HSD11B1L: variants seen among roughly 807,000 people sequenced by gnomAD.
HSD11B1L encodes the protein hydroxysteroid 11-beta dehydrogenase 1 like, also known as hydroxysteroid 11-beta-dehydrogenase 1-like protein.
A neutral mutation model predicts 27.0 loss-of-function variants in HSD11B1L; 22 were observed. That is an observed-to-expected ratio of 0.81 (90% CI 0.58 to 1.16). The LOEUF (loss-of-function observed/expected upper bound fraction) is 1.16. Ranked by LOEUF, HSD11B1L falls within the 50% of genes most tolerant of loss-of-function variation. The pLI is 0.00. For synonymous variants in HSD11B1L, 187 were observed against 189.2 expected (o/e 0.99, Z 0.09); for missense variants, 372 against 401.8 (o/e 0.93, Z 0.63).
chr19:5,684,310 C>A (rs1568298604), intron 1 of HSD11B1L: 2 of 334,070 alleles, frequency 6.0e-6, no homozygotes, highest in Admixed American at 4.7e-5. Flanking sequence ...GCCACCACAT[C>A]CAGCTGAAGG....
chr19:5,681,659 C>T (rs1421619484), intron 1 of HSD11B1L, among the ~76,000 whole-genome samples: 1 of 151,634 alleles, frequency 6.6e-6, no homozygotes, highest in Non-Finnish European at 1.5e-5. Flanking sequence ...TCCATGCATC[C>T]GTCCGTCCAT....
rs762934945 is a variant in HSD11B1L at position 5,684,812 on chromosome 19, T to C, written c.-14-7T>C. On this transcript the variant is annotated splice_polypyrimidine_tract_variant and splice_region_variant and intron_variant, in intron 1 of 7. Transcript: ENST00000339423. ...GCCGGCCACCTCTGTCCCCTGTCCCTCTGCAGGCCCACACAGGACCATGAA... is the reference window on the plus strand; with the variant it reads ...GCCGGCCACCTCTGTCCCCTGTCCCCCTGCAGGCCCACACAGGACCATGAA... The C allele has an allele frequency of 6.2e-7, 1 of 1,613,500 alleles. No individual in the cohort carries two copies. Among genetic ancestry groups the C allele is most frequent in the South Asian group, 1.1e-5 (1 of 91,078 alleles).
Position 5,688,385 on chromosome 19 carries a change from G to T in HSD11B1L, c.*440G>T. 3.3e-6 allele frequency: 2 copies of T among 614,818 alleles called. No homozygotes were observed. The highest frequency in any genetic ancestry group is 5.7e-6 in the Non-Finnish European group (2 of 351,548). 38.1% of individuals were successfully genotyped at this position (614,818 alleles called of 1,614,324 possible). On this transcript the variant is annotated 3_prime_UTR_variant, in exon 8 of 8. Coordinates refer to ENST00000339423, the MANE Select transcript of HSD11B1L (RefSeq NM_198706.3). The stretch of plus-strand genomic sequence containing the variant: ...CAGCTTCCCCTAGCTGGGGTCTCTG[G>T]TACTCTTCACACCTGCAGGGGCGTC...
At position 5,687,111 on chromosome 19, in the gene HSD11B1L, C is replaced by T. The variant is rs934342729; in HGVS notation, c.408+120C>T. ...GGCTCTCCACCCGTCCCGCCCCAGC[C>T]ACGCCCCTCCTAGCCCAAGCCCCTG... On this transcript the variant is annotated intron_variant, in intron 5 of 7. Coordinates refer to ENST00000339423, the MANE Select transcript of HSD11B1L (RefSeq NM_198706.3). The surrounding 1 kb of genome is among the most constrained non-coding windows in gnomAD (Gnocchi z 6.6). 11 of 1,132,378 alleles carry T rather than the reference C, an allele frequency of 9.7e-6. No homozygotes were observed. Among genetic ancestry groups the T allele is most frequent in the South Asian group, 1.4e-5 (1 of 69,192 alleles). The allele number at this position is 1,132,378 out of a possible 1,614,324, so 70.1% of individuals were successfully genotyped here. A position where few individuals can be genotyped will look rare whatever the true frequency, so the allele number is the denominator to read the frequency against.
chr19:5,687,930 G>T lies in HSD11B1L; in HGVS notation c.846G>T (p.Thr282=). Residue 282 remains threonine, a synonymous_variant, in exon 8 of 8, where the codon ACG becomes ACT. Transcript: ENST00000339423. This position sits in a 1 kb window ranked among gnomAD's most constrained non-coding sequence, Gnocchi z 6.6. The part of the protein sequence containing the change: ...AWFIRQELNV[T]AAAA ...TTATCCGCCAGGAGCTCAACGTCAC[G>T]GCCGCGGCAGCCTGAGCACCGGGGG... 2 of 1,563,504 alleles carry T rather than the reference G, an allele frequency of 1.3e-6. No homozygotes were observed. Among genetic ancestry groups the T allele is most frequent in the Non-Finnish European group, 1.7e-6 (2 of 1,153,476 alleles).
chr19:5,684,790 G>A (rs774927067), intron 1 of HSD11B1L, 29 bp from the exon 2 acceptor site: 3 of 1,612,962 alleles, frequency 1.9e-6, no homozygotes, highest in Admixed American at 1.7e-5. Flanking sequence ...GGCCTGTGCC[G>A]GCCACCTCTG....
intron 1 of HSD11B1L, among the ~76,000 whole-genome samples, chr19:5,681,735 T>TC (rs2054555922): frequency 6.6e-6 from 1 of 150,446 alleles, no homozygotes; most frequent in Admixed American, 6.6e-5. Flanking sequence ...CATCCACTCA[T>TC]CCATCTATCC....
intron 3 of HSD11B1L, among the ~76,000 whole-genome samples, chr19:5,686,186 T>G (rs2054685053): frequency 6.6e-6 from 1 of 152,162 alleles, no homozygotes; most frequent in Non-Finnish European, 1.5e-5. Flanking sequence ...TGTCCTGTTT[T>G]AGATGTTGGT....
chr19:5,687,052 C>T lies in HSD11B1L; in HGVS notation c.408+61C>T. ...TATCTCAGGGACCGGTGGTCCGTTC[C>T]CTTCGCGGTCCGGGTTCTGCCTTCT... On this transcript the variant is annotated intron_variant, in intron 5 of 7. Transcript: ENST00000339423. The surrounding 1 kb of genome is among the most constrained non-coding windows in gnomAD (Gnocchi z 6.6). 1 of 1,405,424 alleles carries T rather than the reference C, an allele frequency of 7.1e-7. No individual in the cohort carries two copies. The highest frequency in any genetic ancestry group is 9.7e-7 in the Non-Finnish European group (1 of 1,030,300). The allele number at this position is 1,405,424 out of a possible 1,614,324, so 87.1% of individuals were successfully genotyped here.
At position 5,684,852 on chromosome 19, in the gene HSD11B1L, C is replaced by G; in HGVS notation, c.20C>G (p.Thr7Arg). The change falls in exon 2 of 8, where the codon ACA (threonine) becomes AGA (arginine). Residue 7 changes from threonine to arginine, a missense_variant. Coordinates refer to ENST00000339423, the MANE Select transcript of HSD11B1L (RefSeq NM_198706.3). MKVLLLTGLGALFFAYY... is the reference protein window; with the variant it reads MKVLLLRGLGALFFAYY... ...AGGACCATGAAGGTGCTTCTCCTCA[C>G]AGGGCTGGGGGCCCTGTTCTTCGCC... The G allele has an allele frequency of 6.2e-7, 1 of 1,613,878 alleles. No homozygotes were observed. The highest frequency in any genetic ancestry group is 8.5e-7 in the Non-Finnish European group (1 of 1,180,012).
At position 5,685,438 on chromosome 19, in the gene HSD11B1L, A is replaced by G; in HGVS notation, c.204+319A>G. The G allele has an allele frequency of 2.3e-6, 1 of 426,088 alleles. No individual in the cohort carries two copies. Among genetic ancestry groups the G allele is most frequent in the Non-Finnish European group, 4.5e-6 (1 of 219,840 alleles). The allele number at this position is 426,088 out of a possible 1,614,324, so 26.4% of individuals were successfully genotyped here. On this transcript the variant is annotated intron_variant, in intron 3 of 7. Coordinates refer to ENST00000339423, the MANE Select transcript of HSD11B1L (RefSeq NM_198706.3). The surrounding 1 kb of genome is among the most constrained non-coding windows in gnomAD (Gnocchi z 4.3). ...TAAGAAGACAAAAATTAGGCCAGGC[A>G]TGGTGGCTCATGCCTGTAATCCTAG...
At position 5,685,388 on chromosome 19, in the gene HSD11B1L, C is replaced by T; in HGVS notation, c.204+269C>T. ...GTCAGGAGTTCAAGACCAGCCTGGC[C>T]AACATGGCGAAACCTGGTCTCTACT... On this transcript the variant is annotated intron_variant, in intron 3 of 7. Transcript: ENST00000339423. This position sits in a 1 kb window ranked among gnomAD's most constrained non-coding sequence, Gnocchi z 4.3. The T allele has an allele frequency of 3.4e-6, 2 of 581,190 alleles. No homozygotes were observed. Among genetic ancestry groups the T allele is most frequent in the Non-Finnish European group, 6.4e-6 (2 of 310,676 alleles). The allele number at this position is 581,190 out of a possible 1,614,324, so 36.0% of individuals were successfully genotyped here.
chr19:5,681,159 T>G lies in HSD11B1L; in HGVS notation c.-127T>G, dbSNP rs2054532980. 1.3e-5 allele frequency: 2 copies of G among 152,146 alleles called. No individual in the cohort carries two copies. The highest frequency in any genetic ancestry group is 4.8e-5 in the African/African-American group (2 of 41,338). 9.4% of individuals were successfully genotyped at this position (152,146 alleles called of 1,614,324 possible). A position where few individuals can be genotyped will look rare whatever the true frequency, so the allele number is the denominator to read the frequency against. On this transcript the variant is annotated 5_prime_UTR_variant, in exon 1 of 8. Coordinates refer to ENST00000339423, the MANE Select transcript of HSD11B1L (RefSeq NM_198706.3). ...CCGTGCCCTACGGGAGGGGGTGCGGTCGGGGACCCGGCAGGAGGCGGCCGA... is the reference window on the plus strand; with the variant it reads ...CCGTGCCCTACGGGAGGGGGTGCGGGCGGGGACCCGGCAGGAGGCGGCCGA...
At position 5,688,088 on chromosome 19, in the gene HSD11B1L, A is replaced by G. The variant is rs2054758751; in HGVS notation, c.*143A>G. 6.4e-7 allele frequency: 1 copy of G among 1,551,520 alleles called. No homozygotes were observed. Among genetic ancestry groups the G allele is most frequent in the Non-Finnish European group, 8.7e-7 (1 of 1,146,992 alleles). On this transcript the variant is annotated 3_prime_UTR_variant, in exon 8 of 8. Transcript: ENST00000339423. The stretch of plus-strand genomic sequence containing the variant: ...ATCAAGACAGAAAAGCAAAACCGAG[A>G]AAAACGACGGGCACCTGGAACCAGT...
chr19:5,682,185 C>T (rs1012075194), intron 1 of HSD11B1L, among the ~76,000 whole-genome samples: 1 of 152,172 alleles, frequency 6.6e-6, no homozygotes, highest in Non-Finnish European at 1.5e-5. Flanking sequence ...CCATCAGTTG[C>T]AGTGGGGACC....
rs113901360 is a variant in HSD11B1L at position 5,687,048 on chromosome 19, G to A, written c.408+57G>A. 7.0e-7 allele frequency: 1 copy of A among 1,434,282 alleles called. No homozygotes were observed. The highest frequency in any genetic ancestry group is 2.5e-5 in the East Asian group (1 of 40,152). 88.8% of individuals were successfully genotyped at this position (1,434,282 alleles called of 1,614,324 possible). A position where few individuals can be genotyped will look rare whatever the true frequency, so the allele number is the denominator to read the frequency against. ...CCTCTATCTCAGGGACCGGTGGTCC[G>A]TTCCCTTCGCGGTCCGGGTTCTGCC... On this transcript the variant is annotated intron_variant, in intron 5 of 7. Transcript: ENST00000339423. This position sits in a 1 kb window ranked among gnomAD's most constrained non-coding sequence, Gnocchi z 6.6.
At chr19:5,684,706 AG>A in intron 1 of HSD11B1L, 112 bp from the exon 2 acceptor site, 1 of 1,536,570 alleles carries the variant, frequency 6.5e-7, no homozygotes, top group Non-Finnish European at 8.8e-7. Context: ...GTGGCTGTGG[AG>A]GTGGATAGGA....
In HSD11B1L at chr19:5,687,130, G is replaced by A; in HGVS notation, c.408+139G>A. ...CCCAGCCACGCCCCTCCTAGCCCAA[G>A]CCCCTGCTCCGGCCTTGACCCCGCC... On this transcript the variant is annotated intron_variant, in intron 5 of 7. Coordinates refer to ENST00000339423, the MANE Select transcript of HSD11B1L (RefSeq NM_198706.3). This position sits in a 1 kb window ranked among gnomAD's most constrained non-coding sequence, Gnocchi z 6.6. 1 of 1,089,644 alleles carries A rather than the reference G, an allele frequency of 9.2e-7. No individual in the cohort carries two copies. The highest frequency in any genetic ancestry group is 2.1e-5 in the Admixed American group (1 of 46,592). 67.5% of individuals were successfully genotyped at this position (1,089,644 alleles called of 1,614,324 possible). A position where few individuals can be genotyped will look rare whatever the true frequency, so the allele number is the denominator to read the frequency against.
intron 1 of HSD11B1L, among the ~76,000 whole-genome samples, chr19:5,681,825 A>G (rs1207043929): frequency 2.0e-5 from 3 of 151,992 alleles, no homozygotes; most frequent in Non-Finnish European, 2.9e-5. Context: ...CCATCCTTCT[A>G]TCTATGCATC....
Sources: gnomAD v4.1 joint callset for allele counts (sites outside exome capture counted in the v4.1 genomes callset) on GRCh38, gnomAD v4.1.1 for gene constraint, Gnocchi (gnomAD v3.1) non-coding constraint, MANE v1.5 for transcripts, NCBI Gene and HGNC (gene_info 2026-07-23, HGNC 2026-07-21) for gene names.